HPS3: variants seen among roughly 807,000 people sequenced by gnomAD.
HPS3 encodes BLOC-2 complex member HPS3.
A neutral mutation model predicts 110.9 loss-of-function variants in HPS3; 79 were observed. The observed-to-expected ratio is 0.71, with a 90% CI of 0.59 to 0.86. The LOEUF (loss-of-function observed/expected upper bound fraction) is 0.86, where lower values mean the gene tolerates loss of function less well. Ranked by LOEUF, HPS3 falls within the 40% of genes least tolerant of loss-of-function variation. The pLI, the probability that HPS3 is intolerant of heterozygous loss-of-function variation, is 0.00. For synonymous variants in HPS3, 428 were observed against 451.0 expected, an observed-to-expected ratio of 0.95 and a Z score of 0.65; for missense variants, 1,197 against 1,206.2, an observed-to-expected ratio of 0.99 and a Z score of 0.11.
At chr3:149,142,976 G>C (rs903217545) in intron 4 of HPS3, among the ~76,000 whole-genome samples, 15 of 152,278 alleles carry the variant, frequency 9.9e-5, no homozygotes, top group African/African-American at 3.6e-4. Context: ...GGGGAAGAGA[G>C]CCTTCCAGGC....
Position 149,160,050 on chromosome 3 carries a change from TAGC to T in HPS3, c.1882_1884del (p.Ala628del). On this transcript the variant is annotated inframe_deletion, in exon 11 of 17. Transcript: ENST00000296051. The stretch of plus-strand genomic sequence containing the variant: ...ATTCCTTCGTGCTCACCAAAGGAAT[TAGC>T]AGCAAAAGTGGTTCAGATGTTTTAT... 8 of 1,612,644 alleles carry T rather than the reference TAGC, an allele frequency of 5.0e-6. No individual in the cohort carries two copies. The highest frequency in any genetic ancestry group is 6.8e-6 in the Non-Finnish European group (8 of 1,178,680).
At chr3:149,139,917 AG>A in intron 1 of HPS3, 86 bp from the exon 2 acceptor site, 1 of 1,215,442 alleles carries the variant, frequency 8.2e-7, no homozygotes, top group Non-Finnish European at 1.2e-6. Flanking sequence ...CATTTGTGTT[AG>A]AATTCATTAA....
chr3:149,172,009 C>A, intron 16 of HPS3, 86 bp from the exon 17 acceptor site: 1 of 1,396,476 alleles, frequency 7.2e-7, no homozygotes. Flanking sequence ...CTGGCCTGAA[C>A]TGGCTTCTAA....
rs1169181239 is a variant in HPS3 at position 149,155,089 on chromosome 3, C to T, written c.1401-18C>T. The T allele has an allele frequency of 3.1e-6, 4 of 1,270,726 alleles. No homozygotes were observed. Among genetic ancestry groups the T allele is most frequent in the Non-Finnish European group, 4.6e-6 (4 of 867,012 alleles). 78.7% of individuals were successfully genotyped at this position (1,270,726 alleles called of 1,614,324 possible). On this transcript the variant is annotated intron_variant, in intron 7 of 16. Transcript: ENST00000296051. ...AATAATGTCATTTTAAAATTCTTGT[C>T]CTTTGTTTTGCTTTTAGTTCGAGAA...
chr3:149,145,216 T>C (rs907505948), intron 4 of HPS3, 138 bp from the exon 5 acceptor site: 1 of 684,870 alleles, frequency 1.5e-6, no homozygotes, highest in Non-Finnish European at 2.6e-6. Context: ...ACCAACATTC[T>C]TCTATAAAGA....
At position 149,172,351 on chromosome 3, in the gene HPS3, C is replaced by CAT. The variant is rs1553756791; in HGVS notation, c.*130_*131insTA. 29 of 702,230 alleles carry CAT rather than the reference C, an allele frequency of 4.1e-5. No individual in the cohort carries two copies. The highest frequency in any genetic ancestry group is 3.8e-4 in the African/African-American group (21 of 55,858). 43.5% of individuals were successfully genotyped at this position (702,230 alleles called of 1,614,324 possible). A position where few individuals can be genotyped will look rare whatever the true frequency, so the allele number is the denominator to read the frequency against. On this transcript the variant is annotated 3_prime_UTR_variant, in exon 17 of 17. Coordinates refer to ENST00000296051, the MANE Select transcript of HPS3 (RefSeq NM_032383.5). ...ACACACACACACACACACACACACA[C>CAT]ACACATATATGATACAAATGCTTTC...
At chr3:149,159,157 ATCT>A (rs1260728105) in intron 10 of HPS3, among the ~76,000 whole-genome samples, 5 of 152,138 alleles carry the variant, frequency 3.3e-5, no homozygotes, top group Non-Finnish European at 5.9e-5. Context: ...CTTGCCTTCC[ATCT>A]TCTCATCTGC....
Position 149,140,339 on chromosome 3 carries a change from A to G in HPS3, c.553A>G (p.Asn185Asp). The G allele has an allele frequency of 6.2e-7, 1 of 1,613,210 alleles. No homozygotes were observed. Among genetic ancestry groups the G allele is most frequent in the Non-Finnish European group, 8.5e-7 (1 of 1,179,314 alleles). Residue 185 changes from asparagine (N) to aspartate (D), a missense_variant, in exon 2 of 17, where the codon AAT becomes GAT. Coordinates refer to ENST00000296051, the MANE Select transcript of HPS3 (RefSeq NM_032383.5). Reference protein sequence around the residue: ...FERSLIIHIDNITPVEVSFCV... With the variant: ...FERSLIIHIDDITPVEVSFCV... Reference sequence around the variant, plus strand: ...ACGTTCTTTAATTATACACATAGATAATATCACTCCTGTTGAGGTTTCTTT... The same window carrying G: ...ACGTTCTTTAATTATACACATAGATGATATCACTCCTGTTGAGGTTTCTTT...
chr3:149,139,313 AAGAC>A (rs1204391823), intron 1 of HPS3, among the ~76,000 whole-genome samples: 4 of 152,174 alleles, frequency 2.6e-5, no homozygotes, highest in African/African-American at 4.8e-5. Context: ...ATTTTTAAAA[AAGAC>A]AGAATACCTC....
intron 2 of HPS3, 24 bp from the exon 3 acceptor site, chr3:149,140,993 A>G (rs1722404652): frequency 6.2e-7 from 1 of 1,606,440 alleles, no homozygotes; most frequent in Non-Finnish European, 8.5e-7. Flanking sequence ...TTCAAGCAGG[A>G]CTGTTACATT....
chr3:149,131,652 G>A (rs1368692910), intron 1 of HPS3, among the ~76,000 whole-genome samples: 1 of 152,094 alleles, frequency 6.6e-6, no homozygotes, highest in African/African-American at 2.4e-5. Context: ...TTGAAATCAG[G>A]CCAATTAATA....
At chr3:149,143,984 A>G (rs1381087452) in intron 4 of HPS3, among the ~76,000 whole-genome samples, 1 of 152,172 alleles carries the variant, frequency 6.6e-6, no homozygotes, top group East Asian at 1.9e-4. Flanking sequence ...CATTATTTTG[A>G]TGCACATCCC....
chr3:149,149,474 C>T (rs558763591), intron 5 of HPS3, among the ~76,000 whole-genome samples: 5 of 152,190 alleles, frequency 3.3e-5, no homozygotes, highest in Admixed American at 2.0e-4. Flanking sequence ...TTTCCTAGAA[C>T]GTTGCAGAGA....
intron 14 of HPS3, among the ~76,000 whole-genome samples, chr3:149,165,146 T>A (rs1724285565): frequency 6.6e-6 from 1 of 152,204 alleles, no homozygotes; most frequent in East Asian, 1.9e-4. Context: ...GGGGCTAGCC[T>A]CAGATTTTGT....
At chr3:149,155,305 A>C (rs1359958149) in intron 8 of HPS3, 90 bp downstream of exon 8, 3 of 813,368 alleles carry the variant, frequency 3.7e-6, no homozygotes, top group Non-Finnish European at 6.4e-6. Flanking sequence ...TACATTCAGG[A>C]TGCCACAGCC....
At position 149,129,842 on chromosome 3, in the gene HPS3, A is replaced by T. The variant is rs1482782053; in HGVS notation, c.119A>T (p.Lys40Met). ...RDALFVAAGC[K>M]VEAFAVAGQE... The stretch of plus-strand genomic sequence containing the variant: ...GCGCTTTTCGTGGCGGCGGGCTGCA[A>T]GGTGGAGGCGTTCGCGGTGGCCGGC... The change falls in exon 1 of 17, where the codon AAG (lysine) becomes ATG (methionine). Residue 40 changes from lysine to methionine, a missense_variant. Coordinates refer to ENST00000296051, the MANE Select transcript of HPS3 (RefSeq NM_032383.5). The T allele has an allele frequency of 6.2e-7, 1 of 1,604,048 alleles. No individual in the cohort carries two copies. The highest frequency in any genetic ancestry group is 2.2e-5 in the East Asian group (1 of 44,800).
chr3:149,147,142 A>G (rs1383287215), intron 5 of HPS3, among the ~76,000 whole-genome samples: 2 of 152,196 alleles, frequency 1.3e-5, no homozygotes, highest in Non-Finnish European at 2.9e-5. Context: ...GAAAAATCCC[A>G]CCAAGGTTTT....
At chr3:149,145,854 G>A (rs987159671) in intron 5 of HPS3, among the ~76,000 whole-genome samples, 11 of 152,162 alleles carry the variant, frequency 7.2e-5, no homozygotes, top group Admixed American at 3.9e-4. Flanking sequence ...CAGTCAGAGC[G>A]TCTCTTTAAG....
intron 8 of HPS3, 87 bp downstream of exon 8, chr3:149,155,302 A>G (rs1723380709): frequency 3.7e-6 from 3 of 817,808 alleles, no homozygotes; most frequent in South Asian, 2.8e-5. Flanking sequence ...TCATACATTC[A>G]GGATGCCACA....
Sources: allele counts gnomAD v4.1 joint callset (sites outside exome capture counted in the v4.1 genomes callset), GRCh38; gene constraint gnomAD v4.1.1; transcripts MANE v1.5; gene names NCBI Gene and HGNC (gene_info 2026-07-23, HGNC 2026-07-21).